PLPPR1: variants seen among roughly 807,000 people sequenced by gnomAD.
PLPPR1 encodes the protein phospholipid phosphatase-related protein type 1.
A neutral mutation model predicts 33.1 loss-of-function variants in PLPPR1; 10 were observed. That is an observed-to-expected ratio of 0.30 (90% confidence interval 0.19 to 0.51). The LOEUF is 0.51. PLPPR1 is among the 20% of genes least tolerant of loss of function. The pLI is 0.97. For synonymous variants in PLPPR1, 151 were observed against 151.0 expected, an observed-to-expected ratio of 1.00 and a Z score of 0.00; for missense variants, 304 against 408.1, an observed-to-expected ratio of 0.74 and a Z score of 2.20.
chr9:101,288,647 G>C (rs866502493), intron 4 of PLPPR1, among the ~76,000 whole-genome samples: 50 of 152,114 alleles, frequency 3.3e-4, no homozygotes, highest in Non-Finnish European at 3.1e-4. Flanking sequence ...AGTTGCTCAA[G>C]TAAAAAACCT....
At chr9:101,218,289 C>T (rs539679442) in intron 2 of PLPPR1, among the ~76,000 whole-genome samples, 5 of 152,112 alleles carry the variant, frequency 3.3e-5, no homozygotes, top group Admixed American at 6.5e-5. Context: ...TAAAGTCTGT[C>T]GATGCTGTAT....
At chr9:101,262,832 G>A (rs916746799) in intron 2 of PLPPR1, among the ~76,000 whole-genome samples, 2 of 152,126 alleles carry the variant, frequency 1.3e-5, no homozygotes, top group African/African-American at 4.8e-5. Flanking sequence ...CCATAAAAAG[G>A]GATGAGTTCA....
At chr9:101,179,311 T>C (rs925581279) in intron 1 of PLPPR1, among the ~76,000 whole-genome samples, 10 of 152,082 alleles carry the variant, frequency 6.6e-5, no homozygotes, top group African/African-American at 2.2e-4. Flanking sequence ...ACCTGCTGAG[T>C]TGCTTGCTGA....
chr9:101,101,864 G>T (rs1830905029), intron 1 of PLPPR1, among the ~76,000 whole-genome samples: 1 of 152,062 alleles, frequency 6.6e-6, no homozygotes, highest in African/African-American at 2.4e-5. Flanking sequence ...AAGCAGATGA[G>T]CTCCTCTGTT....
chr9:101,038,697 A>T (rs530254057), intron 1 of PLPPR1, among the ~76,000 whole-genome samples: 168 of 152,224 alleles, frequency 1.1e-3, no homozygotes, highest in Middle Eastern at 3.4e-3. Context: ...GGAACAAGGG[A>T]ACTCCACAAA....
chr9:101,286,059 C>A, intron 3 of PLPPR1, 45 bp from the exon 4 acceptor site: 2 of 1,570,948 alleles, frequency 1.3e-6, no homozygotes, highest in Non-Finnish European at 8.7e-7. Context: ...CCTCTCTTAT[C>A]AAACAGATCT....
intron 7 of PLPPR1, among the ~76,000 whole-genome samples, chr9:101,319,154 C>A (rs1352473173): frequency 1.3e-5 from 2 of 152,300 alleles, no homozygotes; most frequent in East Asian, 1.9e-4. Context: ...ACTATGACAT[C>A]TCTCTAAGAC....
intron 1 of PLPPR1, among the ~76,000 whole-genome samples, chr9:101,144,120 C>A (rs1831491374): frequency 6.6e-6 from 1 of 152,138 alleles, no homozygotes. Flanking sequence ...TTTGTAGGGA[C>A]ATGGATGAAG....
At chr9:101,223,293 A>T (rs1387508730) in intron 2 of PLPPR1, among the ~76,000 whole-genome samples, 1 of 151,180 alleles carries the variant, frequency 6.6e-6, no homozygotes, top group East Asian at 2.0e-4. Context: ...CTATGATGGT[A>T]CCACTGAACT....
chr9:101,089,174 T>C (rs1830713462), intron 1 of PLPPR1, among the ~76,000 whole-genome samples: 1 of 152,146 alleles, frequency 6.6e-6, no homozygotes, highest in Admixed American at 6.5e-5. Context: ...TATCATTCAA[T>C]CCTCACAACA....
intron 2 of PLPPR1, among the ~76,000 whole-genome samples, chr9:101,186,137 T>C (rs1193029050): frequency 1.3e-5 from 2 of 151,874 alleles, no homozygotes; most frequent in East Asian, 1.9e-4. Flanking sequence ...AGCACCTTTT[T>C]GGTTAAATTT....
At chr9:101,108,960 A>AG (rs1554726548) in intron 1 of PLPPR1, among the ~76,000 whole-genome samples, 1 of 136,788 alleles carries the variant, frequency 7.3e-6, no homozygotes, top group Non-Finnish European at 1.5e-5. Context: ...GTCTTCAATA[A>AG]TTTTTTTTTT....
rs77719955 is a variant in PLPPR1 at position 101,067,848 on chromosome 9, G to A, written c.-46+38746G>A. ...GCCATGTGTTTAAATCCTAGGCCTG[G>A]CACTTATGAGCTGTATGACCTTGAG... On this transcript the variant is annotated intron_variant, in intron 1 of 7. Coordinates refer to ENST00000374874, the MANE Select transcript of PLPPR1 (RefSeq NM_207299.2). 9.1e-3 allele frequency among the ~76,000 whole-genome samples: 1,380 copies of A among 152,170 alleles called. 23 individuals carry two copies. The highest frequency in any genetic ancestry group is 0.032 in the African/African-American group (1,311 of 41,550).
chr9:101,150,320 A>G (rs1431473), intron 1 of PLPPR1, among the ~76,000 whole-genome samples: 112,283 of 151,992 alleles, frequency 0.74, 41,930 homozygotes, highest in African/African-American at 0.79. Flanking sequence ...TTTCTTCTTT[A>G]TTGGAGGAAT....
At chr9:101,295,404 C>A (rs964350038) in intron 4 of PLPPR1, among the ~76,000 whole-genome samples, 9 of 151,944 alleles carry the variant, frequency 5.9e-5, no homozygotes, top group Non-Finnish European at 1.0e-4. Flanking sequence ...TCAATGCCAT[C>A]TCCATCAAGC....
At chr9:101,291,816 G>A (rs1828515056) in intron 4 of PLPPR1, among the ~76,000 whole-genome samples, 1 of 152,066 alleles carries the variant, frequency 6.6e-6, no homozygotes, top group Admixed American at 6.5e-5. Context: ...AAGACCAAAG[G>A]TAGATAAAAC....
At chr9:101,032,960 C>T (rs139962305) in intron 1 of PLPPR1, among the ~76,000 whole-genome samples, 86 of 152,230 alleles carry the variant, frequency 5.6e-4, no homozygotes, top group African/African-American at 2.0e-3. Context: ...ATTCCCTTTT[C>T]CCCCTTTCTT....
At chr9:101,142,991 A>C (rs149084547) in intron 1 of PLPPR1, among the ~76,000 whole-genome samples, 15 of 152,072 alleles carry the variant, frequency 9.9e-5, no homozygotes, top group African/African-American at 2.7e-4. Flanking sequence ...CTAGAGATCC[A>C]AGTTCAGTGA....
In PLPPR1 at chr9:101,255,095, G is replaced by T. The variant is rs535665610; in HGVS notation, c.64-14785G>T. ...GACATAAAAATAGCATGTCACTATT[G>T]TTTTGATTTGCATTTCTCCATTAGT... On this transcript the variant is annotated intron_variant, in intron 2 of 7. Coordinates refer to ENST00000374874, the MANE Select transcript of PLPPR1 (RefSeq NM_207299.2). Among the ~76,000 whole-genome samples the T allele has an allele frequency of 3.4e-3, 515 of 152,194 alleles. 3 individuals are homozygous for T. Among genetic ancestry groups the T allele is most frequent in the African/African-American group, 0.012 (492 of 41,528 alleles).
Sources: allele counts gnomAD v4.1 joint callset (sites outside exome capture counted in the v4.1 genomes callset), GRCh38; gene constraint gnomAD v4.1.1; transcripts MANE v1.5; gene names NCBI Gene and HGNC (gene_info 2026-07-23, HGNC 2026-07-21).